The following RAD9B variants were observed in gnomAD, a reference collection of about 807,000 sequenced individuals.
The protein encoded by RAD9B is cell cycle checkpoint control protein RAD9B.
Under a neutral mutation model 48.3 loss-of-function variants are expected in RAD9B, and 41 were observed. The observed-to-expected ratio is 0.85, with a 90% CI of 0.66 to 1.10. RAD9B has a LOEUF of 1.10. RAD9B is among the 50% of genes least tolerant of loss of function. RAD9B has a pLI of 0.00. For synonymous variants in RAD9B, 160 were observed against 157.9 expected, an observed-to-expected ratio of 1.01 and a Z score of -0.10; for missense variants, 444 against 485.1, an observed-to-expected ratio of 0.92 and a Z score of 0.80.
At chr12:110,520,517 T>G (rs530196639) in intron 9 of RAD9B, among the ~76,000 whole-genome samples, 5 of 144,600 alleles carry the variant, frequency 3.5e-5, no homozygotes, top group South Asian at 2.2e-4. Context: ...GGGCCTTTAG[T>G]TTTTTTTTTT....
At position 110,503,832 on chromosome 12, in the gene RAD9B, T is replaced by C. The variant is rs772093264; in HGVS notation, c.73T>C (p.Ser25Pro). Residue 25 changes from serine (S) to proline (P), a missense_variant, in exon 2 of 11, where the codon TCA becomes CCA. Coordinates refer to ENST00000409300, the MANE Select transcript of RAD9B (RefSeq NM_001286535.2). The stretch of plus-strand genomic sequence containing the variant: ...ATTTGGGAAAGCAGTTCAAGCTCTA[T>C]CACGAATTAGTGACGAGTTCTGGCT... ...KVFGKAVQAL[S>P]RISDEFWLDP... 3.7e-6 allele frequency: 6 copies of C among 1,606,366 alleles called. No individual in the cohort carries two copies. Among genetic ancestry groups the C allele is most frequent in the Non-Finnish European group, 4.2e-6 (5 of 1,176,864 alleles).
At chr12:110,503,752 G>A (rs895956834) in intron 1 of RAD9B, 54 bp from the exon 2 acceptor site, 14 of 1,309,922 alleles carry the variant, frequency 1.1e-5, no homozygotes, top group Admixed American at 5.7e-5. Flanking sequence ...CTTGTGATTT[G>A]TTTTTATTGT....
At chr12:110,514,402 A>G (rs2063552010) in intron 5 of RAD9B, among the ~76,000 whole-genome samples, 1 of 152,242 alleles carries the variant, frequency 6.6e-6, no homozygotes, top group Non-Finnish European at 1.5e-5. Flanking sequence ...CAAAGAAAAT[A>G]TCAGTAAGCA....
At position 110,505,466 on chromosome 12, in the gene RAD9B, A is replaced by G; in HGVS notation, c.118-151A>G. 4.3e-6 allele frequency: 2 copies of G among 465,244 alleles called. 1 individual carries two copies. The highest frequency in any genetic ancestry group is 6.9e-5 in the East Asian group (2 of 29,050). 28.8% of individuals were successfully genotyped at this position (465,244 alleles called of 1,614,324 possible). A position where few individuals can be genotyped will look rare whatever the true frequency, so the allele number is the denominator to read the frequency against. On this transcript the variant is annotated intron_variant, in intron 2 of 10. Coordinates refer to ENST00000409300, the MANE Select transcript of RAD9B (RefSeq NM_001286535.2). ...AAATTTTTTTAAAATAAAAAAATAG[A>G]GGTGGGGTCTTGCTCTGTTGGCCAG...
intron 2 of RAD9B, among the ~76,000 whole-genome samples, chr12:110,504,099 ACTAG>A (rs2063187061): frequency 6.6e-6 from 1 of 151,772 alleles, no homozygotes. Flanking sequence ...TAGTTAAGAG[ACTAG>A]CTACGGTCTG....
At chr12:110,505,798 T>C in intron 3 of RAD9B, 26 bp downstream of exon 3, 2 of 1,590,704 alleles carry the variant, frequency 1.3e-6, no homozygotes, top group Non-Finnish European at 1.7e-6. Context: ...CCTGGTTTTC[T>C]CTTATTCTGT....
intron 1 of RAD9B, 101 bp downstream of exon 1, chr12:110,502,484 C>T (rs1349868676): frequency 7.2e-7 from 1 of 1,397,848 alleles, no homozygotes; most frequent in Admixed American, 2.0e-5. Flanking sequence ...CCTTTTTGCG[C>T]AATGACTGAG....
rs1021700016 is a variant in RAD9B at position 110,519,439 on chromosome 12, G to T, written c.768-355G>T. On this transcript the variant is annotated intron_variant, in intron 8 of 10. Transcript: ENST00000409300. ...TGTTGTTGTTGTTGTTGTTGTTGTT[G>T]TTGTTGTTGAGATGGAGTTTTGCTT... 1.3e-4 allele frequency among the ~76,000 whole-genome samples: 19 copies of T among 149,766 alleles called. 1 individual carries two copies. The highest frequency in any genetic ancestry group is 4.7e-4 in the African/African-American group (19 of 40,638).
chr12:110,526,976 A>G (rs2063965986), intron 10 of RAD9B, among the ~76,000 whole-genome samples: 1 of 152,114 alleles, frequency 6.6e-6, no homozygotes, highest in Non-Finnish European at 1.5e-5. Context: ...TAGTTTCCCA[A>G]TGACCCTTTA....
In RAD9B at chr12:110,522,343, G is replaced by T; in HGVS notation, c.1057G>T (p.Val353Phe). Residue 353 changes from valine (V) to phenylalanine (F), a missense_variant, in exon 10 of 11, where the codon GTC becomes TTC. By Grantham distance (50) the Val-to-Phe change is conservative. Coordinates refer to ENST00000409300, the MANE Select transcript of RAD9B (RefSeq NM_001286535.2). ...TGCAATGAAAAGAGTGGATGGAGAT[G>T]TCAGTGAAGTATCAGAAAGCAGTGT... ...SPAMKRVDGD[V>F]SEVSESSVSN... The T allele has an allele frequency of 6.2e-7, 1 of 1,613,704 alleles. No homozygotes were observed. The highest frequency in any genetic ancestry group is 8.5e-7 in the Non-Finnish European group (1 of 1,179,804).
chr12:110,516,744 C>T (rs1407514332), intron 6 of RAD9B, among the ~76,000 whole-genome samples: 1 of 151,548 alleles, frequency 6.6e-6, no homozygotes, highest in Non-Finnish European at 1.5e-5. Context: ...ACCTGGGAGG[C>T]GGTGGTTGCA....
At chr12:110,502,414 G>T (rs766619821) in intron 1 of RAD9B, 31 bp downstream of exon 1, 1 of 1,611,798 alleles carries the variant, frequency 6.2e-7, no homozygotes, top group East Asian at 2.2e-5. Flanking sequence ...TTCCCATTTA[G>T]CAGAGAGAAA....
At position 110,515,134 on chromosome 12, in the gene RAD9B, G is replaced by C; in HGVS notation, c.573G>C (p.Lys191Asn). The change falls in exon 6 of 11, where the codon AAG becomes AAC. Residue 191 changes from lysine to asparagine, a missense_variant. Lys to Asn is a moderately conservative substitution (Grantham distance 94). Coordinates refer to ENST00000409300, the MANE Select transcript of RAD9B (RefSeq NM_001286535.2). ...TTACTCCACTGAATTTTTGCCTCAA[G>C]AGTTCTAATGAGGAATCAATGGGTA... ...LAVTPLNFCL[K>N]SSNEESMDLS... The C allele has an allele frequency of 6.5e-7, 1 of 1,540,744 alleles. No homozygotes were observed. Among genetic ancestry groups the C allele is most frequent in the Non-Finnish European group, 8.8e-7 (1 of 1,135,556 alleles).
In RAD9B at chr12:110,530,783, A is replaced by G; in HGVS notation, c.*130A>G. 2 of 1,485,592 alleles carry G rather than the reference A, an allele frequency of 1.3e-6. No homozygotes were observed. The highest frequency in any genetic ancestry group is 1.8e-6 in the Non-Finnish European group (2 of 1,122,896). 92.0% of individuals were successfully genotyped at this position (1,485,592 alleles called of 1,614,324 possible). A position where few individuals can be genotyped will look rare whatever the true frequency, so the allele number is the denominator to read the frequency against. The stretch of plus-strand genomic sequence containing the variant: ...CTTTTAATGGAGGATGGGCTTTTAA[A>G]CCACATCATCTTGTACAACAACCAT... On this transcript the variant is annotated 3_prime_UTR_variant, in exon 11 of 11. Transcript: ENST00000409300.
chr12:110,515,866 C>T (rs992081771), intron 6 of RAD9B, among the ~76,000 whole-genome samples: 2 of 152,104 alleles, frequency 1.3e-5, no homozygotes, highest in African/African-American at 4.8e-5. Context: ...AAATAGTTTG[C>T]ATTTATGAAG....
chr12:110,529,227 T>C (rs1194148933), intron 10 of RAD9B, among the ~76,000 whole-genome samples: 1 of 152,142 alleles, frequency 6.6e-6, no homozygotes, highest in East Asian at 1.9e-4. Flanking sequence ...CACTGCAACC[T>C]CTGCCTCCCA....
chr12:110,505,059 TTA>T (rs2063222866), intron 2 of RAD9B, among the ~76,000 whole-genome samples: 3 of 152,152 alleles, frequency 2.0e-5, no homozygotes, highest in African/African-American at 7.2e-5. Context: ...ATTTACTATT[TTA>T]TGTTTTCAAC....
Position 110,506,599 on chromosome 12 carries a change from A to G in RAD9B, c.294A>G (p.Arg98=). ...LGMKSILPIF[R]CLNSLERNIE... ...TACAGTCAATTTTGCCCATCTTTAGATGTCTGAATTCCCTTGAAAGAAATA... is the reference window on the plus strand; with the variant it reads ...TACAGTCAATTTTGCCCATCTTTAGGTGTCTGAATTCCCTTGAAAGAAATA... Residue 98 remains arginine (R), a synonymous_variant, in exon 4 of 11, where the codon AGA becomes AGG. Transcript: ENST00000409300. The G allele has an allele frequency of 1.3e-6, 2 of 1,584,692 alleles. No homozygotes were observed. The highest frequency in any genetic ancestry group is 1.7e-6 in the Non-Finnish European group (2 of 1,153,798).
chr12:110,522,161 C>G lies in RAD9B; in HGVS notation c.891-16C>G. 6.7e-7 allele frequency: 1 copy of G among 1,486,788 alleles called. No homozygotes were observed. Among genetic ancestry groups the G allele is most frequent in the Non-Finnish European group, 9.2e-7 (1 of 1,091,322 alleles). The allele number at this position is 1,486,788 out of a possible 1,614,324, so 92.1% of individuals were successfully genotyped here. On this transcript the variant is annotated splice_polypyrimidine_tract_variant and intron_variant, in intron 9 of 10. Coordinates refer to ENST00000409300, the MANE Select transcript of RAD9B (RefSeq NM_001286535.2). ...CAATAAACAGTTCATTCATTTAATG[C>G]CTATTAATACCTCAGGTCAGATCTG...
Sources: gnomAD v4.1 joint callset for allele counts (sites outside exome capture counted in the v4.1 genomes callset) on GRCh38, gnomAD v4.1.1 for gene constraint, MANE v1.5 for transcripts, NCBI Gene and HGNC (gene_info 2026-07-23, HGNC 2026-07-21) for gene names.